SRGAP1: variants seen among roughly 807,000 people sequenced by gnomAD.
SRGAP1 encodes the protein SLIT-ROBO Rho GTPase-activating protein 1.
SRGAP1 carries 43 observed loss-of-function variants against 121.9 expected under a neutral mutation model. The observed-to-expected ratio is 0.35, with a 90% CI of 0.28 to 0.46. The LOEUF (loss-of-function observed/expected upper bound fraction) is 0.46. Ranked by LOEUF, SRGAP1 falls within the 20% of genes least tolerant of loss-of-function variation. SRGAP1 has a pLI of 1.00. For missense variants in SRGAP1, 1,102 were observed against 1,350.9 expected (o/e 0.82, Z 2.89); for synonymous variants, 447 against 485.4 (o/e 0.92, Z 1.04).
intron 1 of SRGAP1, among the ~76,000 whole-genome samples, chr12:63,882,281 G>A (rs1164905020): frequency 6.6e-6 from 1 of 151,720 alleles, no homozygotes; most frequent in Non-Finnish European, 1.5e-5. Flanking sequence ...GTTTTGTTTT[G>A]TTTTGTTTTG....
chr12:64,037,993 C>T (rs2034935067), intron 4 of SRGAP1, among the ~76,000 whole-genome samples: 1 of 152,188 alleles, frequency 6.6e-6, no homozygotes, highest in African/African-American at 2.4e-5. Context: ...ATACTTTAGA[C>T]TTTCCAAAGG....
intron 3 of SRGAP1, among the ~76,000 whole-genome samples, chr12:64,006,870 A>G (rs2034101185): frequency 6.6e-6 from 1 of 152,198 alleles, no homozygotes; most frequent in Admixed American, 6.5e-5. Context: ...TTAAATCCAG[A>G]ATATTTTTAT....
chr12:64,147,726 T>G lies in SRGAP1; in HGVS notation c.*5054T>G. On this transcript the variant is annotated 3_prime_UTR_variant, in exon 22 of 22. Coordinates refer to ENST00000355086, the MANE Select transcript of SRGAP1 (RefSeq NM_020762.4). ...TTGTTAATCTGTTGTGACAATGCAC[T>G]TTTATGTATAGTACTGTACATTTTT... 1 of 398,616 alleles carries G rather than the reference T, an allele frequency of 2.5e-6. No individual in the cohort carries two copies. Among genetic ancestry groups the G allele is most frequent in the East Asian group, 3.6e-5 (1 of 28,080 alleles). The allele number at this position is 398,616 out of a possible 1,614,324, so 24.7% of individuals were successfully genotyped here. A position where few individuals can be genotyped will look rare whatever the true frequency, so the allele number is the denominator to read the frequency against.
chr12:64,097,193 G>C (rs2136594108), intron 14 of SRGAP1, 48 bp from the exon 15 acceptor site: 1 of 1,542,398 alleles, frequency 6.5e-7, no homozygotes, highest in East Asian at 2.3e-5. Flanking sequence ...TTTTTGTTCA[G>C]AGAAAAAGAA....
At chr12:64,018,380 C>G (rs931034586) in intron 4 of SRGAP1, among the ~76,000 whole-genome samples, 1 of 152,120 alleles carries the variant, frequency 6.6e-6, no homozygotes, top group Non-Finnish European at 1.5e-5. Context: ...CATGAGCCAC[C>G]GAGCCTGGCC....
chr12:63,971,400 A>G (rs1382286228), intron 1 of SRGAP1, among the ~76,000 whole-genome samples: 1 of 152,216 alleles, frequency 6.6e-6, no homozygotes, highest in Non-Finnish European at 1.5e-5. Flanking sequence ...ATGCTCAGTA[A>G]TGTTTGTCAG....
chr12:63,915,683 A>G (rs2030738598), intron 1 of SRGAP1, among the ~76,000 whole-genome samples: 1 of 152,224 alleles, frequency 6.6e-6, no homozygotes, highest in African/African-American at 2.4e-5. Context: ...GAAATTCCTT[A>G]TTGATTAACA....
rs1230539506 is a variant in SRGAP1, at chr12:63,916,050, T to C, written c.68-67897T>C. The stretch of plus-strand genomic sequence containing the variant: ...TTCTTTTCTTTTTTTTTTTTTTTTT[T>C]GAGATGGGGTCTCACTCTGTCACTC... On this transcript the variant is annotated intron_variant, in intron 1 of 21. Transcript: ENST00000355086. 3.4e-5 allele frequency among the ~76,000 whole-genome samples: 4 copies of C among 117,574 alleles called. No homozygotes were observed. In the East Asian group the frequency reaches 9.5e-4, roughly 28 times the overall value. 77.1% of individuals were successfully genotyped at this position (117,574 alleles called of 152,430 possible).
At chr12:63,900,186 C>CTTTTTA (rs1417656863) in intron 1 of SRGAP1, among the ~76,000 whole-genome samples, 48 of 63,866 alleles carry the variant, frequency 7.5e-4, no homozygotes, top group African/African-American at 2.5e-3. Context: ...TTGCTTTTTT[C>CTTTTTA]TTTTTCTTTT....
intron 1 of SRGAP1, among the ~76,000 whole-genome samples, chr12:63,876,459 A>G (rs1900031326): frequency 1.3e-5 from 2 of 152,204 alleles, no homozygotes; most frequent in Admixed American, 6.5e-5. Context: ...TACTATCTTT[A>G]TTATGTAATT....
intron 17 of SRGAP1, among the ~76,000 whole-genome samples, chr12:64,115,204 AT>A (rs1245912368): frequency 6.6e-6 from 1 of 152,230 alleles, no homozygotes; most frequent in African/African-American, 2.4e-5. Flanking sequence ...TAGGGCAATA[AT>A]CATATTCTAC....
chr12:63,877,274 G>C (rs1900060272), intron 1 of SRGAP1, among the ~76,000 whole-genome samples: 1 of 152,120 alleles, frequency 6.6e-6, no homozygotes, highest in Admixed American at 6.5e-5. Flanking sequence ...TAATTGTGTA[G>C]TCTGTATTTA....
At chr12:63,977,046 GCTCACTTTTATGGAAT>G (rs1201176072) in intron 1 of SRGAP1, among the ~76,000 whole-genome samples, 1 of 151,230 alleles carries the variant, frequency 6.6e-6, no homozygotes, top group African/African-American at 2.4e-5. Context: ...AAAAAAAAAA[GCTCACTTTTATGGAAT>G]TTTTGCCTGC....
At chr12:64,030,839 A>AT (rs1346523876) in intron 4 of SRGAP1, among the ~76,000 whole-genome samples, 1 of 152,160 alleles carries the variant, frequency 6.6e-6, no homozygotes, top group African/African-American at 2.4e-5. Flanking sequence ...GGCATTGTTC[A>AT]TTTCTAGATA....
chr12:64,125,879 G>A (rs2036678929), intron 18 of SRGAP1, 98 bp from the exon 19 acceptor site: 1 of 1,234,072 alleles, frequency 8.1e-7, no homozygotes, highest in Admixed American at 2.3e-5. Context: ...TATTAAAATG[G>A]TCTTGATCAT....
intron 1 of SRGAP1, among the ~76,000 whole-genome samples, chr12:63,943,878 G>A (rs2031950878): frequency 6.6e-6 from 1 of 152,058 alleles, no homozygotes; most frequent in Non-Finnish European, 1.5e-5. Flanking sequence ...GGTATGAGAT[G>A]AATATATTTT....
chr12:63,940,498 G>A (rs773729478), intron 1 of SRGAP1, among the ~76,000 whole-genome samples: 6 of 152,002 alleles, frequency 3.9e-5, no homozygotes, highest in Admixed American at 2.6e-4. Flanking sequence ...AGGGGGTGGG[G>A]GTTTGCTGTC....
At chr12:64,058,250 C>T (rs2035379713) in intron 6 of SRGAP1, among the ~76,000 whole-genome samples, 1 of 152,170 alleles carries the variant, frequency 6.6e-6, no homozygotes, top group Non-Finnish European at 1.5e-5. Flanking sequence ...AGCATCTAGA[C>T]TTTCAATGGC....
intron 1 of SRGAP1, among the ~76,000 whole-genome samples, chr12:63,899,126 A>T (rs940290848): frequency 6.6e-6 from 1 of 152,152 alleles, no homozygotes; most frequent in Non-Finnish European, 1.5e-5. Context: ...TAATCCCAGC[A>T]CTCCTAGCAC....
Sources: allele counts gnomAD v4.1 joint callset (sites outside exome capture counted in the v4.1 genomes callset), GRCh38; gene constraint gnomAD v4.1.1; transcripts MANE v1.5; gene names NCBI Gene and HGNC (gene_info 2026-07-23, HGNC 2026-07-21).